Variants in HAPSTR1 observed in about 807,000 individuals in gnomAD.
HAPSTR1 encodes the protein HUWE1-associated protein modifying stress responses 1.
the HAPSTR1 span, among the ~76,000 whole-genome samples, chr16:9,099,188 A>C: frequency 1.3e-5 from 2 of 151,356 alleles, no homozygotes; most frequent in Non-Finnish European, 2.9e-5. Context: ...TGTATGAATC[A>C]GTTCATTTTC....
chr16:9,114,021 T>TTA, the HAPSTR1 span, among the ~76,000 whole-genome samples: 3 of 152,184 alleles, frequency 2.0e-5, no homozygotes, highest in African/African-American at 7.2e-5. Flanking sequence ...GGCACTGTGC[T>TTA]TAGGTCATTA....
the HAPSTR1 span, chr16:9,108,639 T>A: frequency 6.6e-6 from 1 of 152,218 alleles, no homozygotes; most frequent in African/African-American, 2.4e-5. Context: ...ACGATGTGAA[T>A]TTTATATCTC....
At chr16:9,091,649 G>C in the HAPSTR1 span, 1 of 398,280 alleles carries the variant, frequency 2.5e-6, no homozygotes. Flanking sequence ...ACGTTGCTCA[G>C]TCTTGGGGTG....
At chr16:9,106,354 A>C in the HAPSTR1 span, 1 of 125,162 alleles carries the variant, frequency 8.0e-6, no homozygotes, top group Non-Finnish European at 1.8e-5. Flanking sequence ...TGTAGTGCTC[A>C]CTGCGACTTC....
At chr16:9,101,292 A>T in the HAPSTR1 span, among the ~76,000 whole-genome samples, 1 of 152,238 alleles carries the variant, frequency 6.6e-6, no homozygotes, top group Admixed American at 6.5e-5. Flanking sequence ...TTCAAAATGG[A>T]GTTCATGCTT....
At chr16:9,104,027 A>G in the HAPSTR1 span, 15 of 152,350 alleles carry the variant, frequency 9.8e-5, no homozygotes, top group African/African-American at 3.4e-4. Context: ...CAACAGAATA[A>G]TAAGACTTGC....
At chr16:9,110,554 G>A in the HAPSTR1 span, 10 of 152,054 alleles carry the variant, frequency 6.6e-5, no homozygotes, top group African/African-American at 2.4e-4. Context: ...ACATTTTTTT[G>A]AGAACAAATC....
the HAPSTR1 span, chr16:9,106,838 A>C: frequency 1.3e-5 from 2 of 152,128 alleles, no homozygotes; most frequent in African/African-American, 4.8e-5. Flanking sequence ...CCAAGAGTTG[A>C]ATTAATACCA....
At chr16:9,115,374 A>C in the HAPSTR1 span, among the ~76,000 whole-genome samples, 1 of 152,190 alleles carries the variant, frequency 6.6e-6, no homozygotes, top group East Asian at 1.9e-4. Flanking sequence ...ATAGTCAAGC[A>C]ATAACAGATC....
the HAPSTR1 span, among the ~76,000 whole-genome samples, chr16:9,099,572 T>G: frequency 6.6e-6 from 1 of 152,240 alleles, no homozygotes; most frequent in Non-Finnish European, 1.5e-5. Context: ...TTGTGGAGTT[T>G]GCCTAACCTT....
At chr16:9,120,203 G>T in the HAPSTR1 span, 2 of 152,214 alleles carry the variant, frequency 1.3e-5, no homozygotes, top group African/African-American at 4.8e-5. Context: ...GGAATAAAGT[G>T]ACTAGAAAGG....
At chr16:9,103,401 G>C in the HAPSTR1 span, 1 of 900,968 alleles carries the variant, frequency 1.1e-6, no homozygotes. Flanking sequence ...TTAATAGAAT[G>C]TAAGCTAAGA....
At chr16:9,103,276 A>T in the HAPSTR1 span, 1 of 1,601,678 alleles carries the variant, frequency 6.2e-7, no homozygotes, top group South Asian at 1.1e-5. Context: ...CCGTTTAAAC[A>T]TATTTCTTTG....
chr16:9,098,781 C>T, the HAPSTR1 span, among the ~76,000 whole-genome samples: 7 of 152,306 alleles, frequency 4.6e-5, no homozygotes, highest in Middle Eastern at 6.8e-3. Context: ...TTTGATGTAG[C>T]ATTGTGCTCT....
chr16:9,091,959 G>A, the HAPSTR1 span: 2 of 1,181,564 alleles, frequency 1.7e-6, no homozygotes, highest in Non-Finnish European at 2.2e-6. Context: ...CTGCCGCCGG[G>A]CCGCTTGACG....
the HAPSTR1 span, chr16:9,108,927 G>C: frequency 1.3e-5 from 2 of 152,164 alleles, no homozygotes. Context: ...GAGAATTGCT[G>C]GTTGGTTCCA....
At chr16:9,093,825 T>G in the HAPSTR1 span, among the ~76,000 whole-genome samples, 1 of 152,100 alleles carries the variant, frequency 6.6e-6, no homozygotes, top group African/African-American at 2.4e-5. Flanking sequence ...TTTTGAAGAT[T>G]GAGAAATTTG....
At chr16:9,093,128 A>C in the HAPSTR1 span, 5 of 951,802 alleles carry the variant, frequency 5.3e-6, no homozygotes, top group Non-Finnish European at 8.0e-6. Flanking sequence ...TTGCAACTTG[A>C]GAATCGCGGC....
At chr16:9,118,723 G>A in the HAPSTR1 span, 3 of 152,458 alleles carry the variant, frequency 2.0e-5, no homozygotes, top group Non-Finnish European at 4.4e-5. Flanking sequence ...TGCGTTTGGA[G>A]TTACCTTTGT....
Sources: allele counts gnomAD v4.1 joint callset (sites outside exome capture counted in the v4.1 genomes callset), GRCh38; gene constraint gnomAD v4.1.1; transcripts MANE v1.5; gene names NCBI Gene and HGNC (gene_info 2026-07-23, HGNC 2026-07-21).